Variants in GTF3C1 observed in about 807,000 individuals in gnomAD.
The protein encoded by GTF3C1 is general transcription factor IIIC subunit 1, also known as general transcription factor 3C polypeptide 1.
GTF3C1 carries 57 observed loss-of-function variants against 226.7 expected under a neutral mutation model. The observed-to-expected ratio is 0.25, with a 90% CI of 0.20 to 0.31. GTF3C1 has a LOEUF of 0.31. Among genes scored for constraint, GTF3C1 ranks in the 10% least tolerant of loss-of-function variants. GTF3C1 has a pLI of 1.00. For synonymous variants in GTF3C1, 1,090 were observed against 1,084.8 expected (o/e 1.00, Z -0.09); for missense variants, 2,217 against 2,776.1 (o/e 0.80, Z 4.53).
intron 6 of GTF3C1, among the ~76,000 whole-genome samples, chr16:27,522,235 C>A (rs1286567012): frequency 1.3e-5 from 2 of 152,208 alleles, no homozygotes; most frequent in African/African-American, 4.8e-5. Context: ...ATTCTCATCA[C>A]CTCAAACCCT....
At position 27,465,332 on chromosome 16, in the gene GTF3C1, CTCCTCCTTGTCAA is replaced by C; in HGVS notation, c.5270_5282del (p.Ile1757SerfsTer44). Reference sequence around the variant, plus strand: ...CCAAGGCCGAGAACCGTCTGCGCAGCTCCTCCTTGTCAATCCCAAAACAACCCGTGGCTATAAT... The same window carrying C: ...CCAAGGCCGAGAACCGTCTGCGCAGCTCCCAAAACAACCCGTGGCTATAAT... On this transcript the variant is annotated frameshift_variant, in exon 33 of 37. Coordinates refer to ENST00000356183, the MANE Select transcript of GTF3C1 (RefSeq NM_001520.4). LOFTEE classifies it high-confidence loss of function. 1 of 1,614,158 alleles carries C rather than the reference CTCCTCCTTGTCAA, an allele frequency of 6.2e-7. No individual in the cohort carries two copies. The highest frequency in any genetic ancestry group is 8.5e-7 in the Non-Finnish European group (1 of 1,180,008).
rs532746612 is a variant in GTF3C1 at position 27,471,065 on chromosome 16, C to T, written c.4527-670G>A. On this transcript the variant is annotated intron_variant, in intron 30 of 36. Coordinates refer to ENST00000356183, the MANE Select transcript of GTF3C1 (RefSeq NM_001520.4). The surrounding 1 kb of genome is among the most constrained non-coding windows in gnomAD (Gnocchi z 5.0). ...GGTCTGGGGAGGAGGAAGTGTCTGCCGTCGTGGGGAAGGGATGGGATCAAA... is the reference window on the plus strand; with the variant it reads ...GGTCTGGGGAGGAGGAAGTGTCTGCTGTCGTGGGGAAGGGATGGGATCAAA... Among the ~76,000 whole-genome samples the T allele has an allele frequency of 3.3e-5, 5 of 152,284 alleles. No homozygotes were observed. The highest frequency in any genetic ancestry group is 6.5e-5 in the Admixed American group (1 of 15,298).
chr16:27,511,655 C>G (rs899608768), intron 7 of GTF3C1, 94 bp downstream of exon 7: 50 of 1,343,668 alleles, frequency 3.7e-5, no homozygotes, highest in Non-Finnish European at 5.0e-5. Context: ...ATTACATTCT[C>G]TATAGCAGAG....
At chr16:27,520,260 G>A (rs903729451) in intron 6 of GTF3C1, among the ~76,000 whole-genome samples, 20 of 152,178 alleles carry the variant, frequency 1.3e-4, no homozygotes, top group Admixed American at 9.8e-4. Flanking sequence ...GATTACAGGC[G>A]TGCGCTAACA....
intron 23 of GTF3C1, among the ~76,000 whole-genome samples, chr16:27,486,509 G>A (rs151209802): frequency 2.6e-5 from 4 of 152,280 alleles, no homozygotes; most frequent in Non-Finnish European, 4.4e-5. Flanking sequence ...TGCTCGGGGC[G>A]TACCCACCGA....
intron 32 of GTF3C1, among the ~76,000 whole-genome samples, chr16:27,468,815 A>C (rs2087821737): frequency 6.6e-6 from 1 of 152,234 alleles, no homozygotes; most frequent in African/African-American, 2.4e-5. Context: ...AATTGGAAGT[A>C]AAGGAGGCAG....
Position 27,461,404 on chromosome 16 carries a change from C to A in GTF3C1, c.6276G>T (p.Arg2092=), listed in dbSNP as rs562028483. The A allele has an allele frequency of 6.2e-7, 1 of 1,613,928 alleles. No homozygotes were observed. The highest frequency in any genetic ancestry group is 8.5e-7 in the Non-Finnish European group (1 of 1,179,882). ...CCTCGTGGGGGAACACACGGCCCAG[C>A]CGGAGGGTACAGTCCAAGGTGGGCT... The part of the protein sequence containing the change: ...FYEPTLDCTL[R]LGRVFPHEVN... Residue 2092 remains arginine, a synonymous_variant, in exon 37 of 37, where the codon CGG becomes CGT. Transcript: ENST00000356183. This position sits in a 1 kb window ranked among gnomAD's most constrained non-coding sequence, Gnocchi z 5.3.
rs530339195 is a variant in GTF3C1 at position 27,497,893 on chromosome 16, G to A, written c.2166-72C>T. 4.0e-6 allele frequency: 5 copies of A among 1,262,670 alleles called. No homozygotes were observed. In the East Asian group the frequency reaches 9.3e-5, roughly 24 times the overall value. 78.2% of individuals were successfully genotyped at this position (1,262,670 alleles called of 1,614,324 possible). A position where few individuals can be genotyped will look rare whatever the true frequency, so the allele number is the denominator to read the frequency against. On this transcript the variant is annotated intron_variant, in intron 13 of 36. Coordinates refer to ENST00000356183, the MANE Select transcript of GTF3C1 (RefSeq NM_001520.4). Reference sequence around the variant, plus strand: ...CTAAGAGAAAGGACAGAGTCTGTCTGCATGAATCAGATACAGCCTCTTGGC... The same window carrying A: ...CTAAGAGAAAGGACAGAGTCTGTCTACATGAATCAGATACAGCCTCTTGGC...
chr16:27,476,980 C>CT (rs1485757281), intron 28 of GTF3C1, among the ~76,000 whole-genome samples: 1 of 152,196 alleles, frequency 6.6e-6, no homozygotes, highest in Non-Finnish European at 1.5e-5. Flanking sequence ...AGTTTAAATC[C>CT]TTTCCTCAAC....
chr16:27,489,790 G>A (rs1253836255), intron 19 of GTF3C1, 47 bp from the exon 20 acceptor site: 1 of 1,581,230 alleles, frequency 6.3e-7, no homozygotes, highest in Admixed American at 1.7e-5. Context: ...TCCTGCTGCA[G>A]CTCTGGTGGC....
Position 27,463,223 on chromosome 16 carries a change from A to C in GTF3C1, c.5924+318T>G. 1 of 400,704 alleles carries C rather than the reference A, an allele frequency of 2.5e-6. No homozygotes were observed. The highest frequency in any genetic ancestry group is 4.5e-6 in the Non-Finnish European group (1 of 223,600). 24.8% of individuals were successfully genotyped at this position (400,704 alleles called of 1,614,324 possible). A position where few individuals can be genotyped will look rare whatever the true frequency, so the allele number is the denominator to read the frequency against. ...TGTGGACCCCTGGCTCATCTGCAGGAGTGGGTGAGGTGCCTGTGGGCCATG... is the reference window on the plus strand; with the variant it reads ...TGTGGACCCCTGGCTCATCTGCAGGCGTGGGTGAGGTGCCTGTGGGCCATG... On this transcript the variant is annotated intron_variant, in intron 35 of 36. Coordinates refer to ENST00000356183, the MANE Select transcript of GTF3C1 (RefSeq NM_001520.4). The surrounding 1 kb of genome is among the most constrained non-coding windows in gnomAD (Gnocchi z 4.9).
rs1596631100 is a variant in GTF3C1 at position 27,492,826 on chromosome 16, G to A, written c.2877-113C>T. ...TCCTTCTTCTCTTTTCCACCTGGTG[G>A]TCACTGGAGGACCAGCCTCAAGCCC... On this transcript the variant is annotated intron_variant, in intron 17 of 36. Transcript: ENST00000356183. This position sits in a 1 kb window ranked among gnomAD's most constrained non-coding sequence, Gnocchi z 5.0. 1.4e-6 allele frequency: 1 copy of A among 714,346 alleles called. No individual in the cohort carries two copies. Among genetic ancestry groups the A allele is most frequent in the East Asian group, 2.5e-5 (1 of 39,270 alleles). 44.3% of individuals were successfully genotyped at this position (714,346 alleles called of 1,614,324 possible). A position where few individuals can be genotyped will look rare whatever the true frequency, so the allele number is the denominator to read the frequency against.
Position 27,469,237 on chromosome 16 carries a change from T to C in GTF3C1, c.5074+54A>G. 6.6e-7 allele frequency: 1 copy of C among 1,506,572 alleles called. No homozygotes were observed. Among genetic ancestry groups the C allele is most frequent in the Non-Finnish European group, 8.9e-7 (1 of 1,119,580 alleles). The allele number at this position is 1,506,572 out of a possible 1,614,324, so 93.3% of individuals were successfully genotyped here. A position where few individuals can be genotyped will look rare whatever the true frequency, so the allele number is the denominator to read the frequency against. ...AGGTCCCAGGCCAGGCCTCAGGGTCTTCCTGGATGATGGCGAGGCCAGGCC... is the reference window on the plus strand; with the variant it reads ...AGGTCCCAGGCCAGGCCTCAGGGTCCTCCTGGATGATGGCGAGGCCAGGCC... On this transcript the variant is annotated intron_variant, in intron 32 of 36. Transcript: ENST00000356183. The surrounding 1 kb of genome is among the most constrained non-coding windows in gnomAD (Gnocchi z 4.5).
At chr16:27,539,305 T>G (rs1280633286) in intron 2 of GTF3C1, among the ~76,000 whole-genome samples, 1 of 152,094 alleles carries the variant, frequency 6.6e-6, no homozygotes, top group African/African-American at 2.4e-5. Context: ...TCCTCTAAAT[T>G]GACATGTGAG....
chr16:27,473,513 GC>G (rs1343914153), intron 29 of GTF3C1, among the ~76,000 whole-genome samples: 1 of 152,232 alleles, frequency 6.6e-6, no homozygotes, highest in Non-Finnish European at 1.5e-5. Context: ...TTTAGGTGCT[GC>G]CCCCAGGACC....
Position 27,465,261 on chromosome 16 carries a change from T to G in GTF3C1, c.5354A>C (p.Gln1785Pro). The G allele has an allele frequency of 6.2e-7, 1 of 1,614,016 alleles. No individual in the cohort carries two copies. Among genetic ancestry groups the G allele is most frequent in the East Asian group, 2.2e-5 (1 of 44,880 alleles). ...CGGCTAACCTAAAGCACAGCTCACC[T>G]GGATGCAATCTGCGAATGTCCTGGT... ...GRTRTFADCI[Q>P]ALLEQHQVLE... Residue 1785 changes from glutamine (Q) to proline (P), a missense_variant and splice_region_variant, in exon 33 of 37, where the codon CAG (glutamine) becomes CCG (proline). By Grantham distance (76) the Gln-to-Pro change is moderately conservative. This residue lies in a region of GTF3C1 where 455 missense variants were observed against 441.9 expected (regional missense o/e 1.03). Transcript: ENST00000356183.
chr16:27,539,618 A>C (rs1180988664), intron 2 of GTF3C1, among the ~76,000 whole-genome samples: 2 of 152,216 alleles, frequency 1.3e-5, no homozygotes, highest in Middle Eastern at 3.2e-3. Flanking sequence ...CAAGTTACTC[A>C]ACTGGAGAAG....
At chr16:27,518,794 A>G (rs1204468931) in intron 6 of GTF3C1, among the ~76,000 whole-genome samples, 1 of 152,208 alleles carries the variant, frequency 6.6e-6, no homozygotes, top group African/African-American at 2.4e-5. Context: ...TGGCTCAGCC[A>G]TGGGGAAGCT....
At chr16:27,520,776 G>C (rs1207891272) in intron 6 of GTF3C1, among the ~76,000 whole-genome samples, 2 of 152,094 alleles carry the variant, frequency 1.3e-5, no homozygotes, top group Non-Finnish European at 2.9e-5. Flanking sequence ...CTGGAGAACA[G>C]AGGTGTGATC....
Sources: gnomAD v4.1 joint callset for allele counts (sites outside exome capture counted in the v4.1 genomes callset) on GRCh38, gnomAD v4.1.1 for gene constraint, gnomAD v4.1.1 regional missense constraint, Gnocchi (gnomAD v3.1) non-coding constraint, MANE v1.5 for transcripts, NCBI Gene and HGNC (gene_info 2026-07-23, HGNC 2026-07-21) for gene names.